Variants in C10orf71 observed in about 807,000 individuals in gnomAD.
The protein encoded by C10orf71 is cardiac-enriched FHL2-interacting protein.
For synonymous variants in C10orf71, 758 were observed against 726.3 expected, an observed-to-expected ratio of 1.04 and a Z score of -0.70; for missense variants, 1,869 against 1,804.5, an observed-to-expected ratio of 1.04 and a Z score of -0.65.
At chr10:49,299,855 G>T (rs947137368) in intron 1 of C10orf71, among the ~76,000 whole-genome samples, 28 of 152,210 alleles carry the variant, frequency 1.8e-4, no homozygotes, top group African/African-American at 6.8e-4. Context: ...GCCAGGCAGG[G>T]TCACACCAGC....
In C10orf71 at chr10:49,323,866, T is replaced by C. The variant is rs373240081; in HGVS notation, c.1321T>C (p.Phe441Leu). The change falls in exon 3 of 3, where the codon TTT (phenylalanine) becomes CTT (leucine). Residue 441 changes from phenylalanine to leucine, a missense_variant. Physicochemically the swap from Phe to Leu is conservative, Grantham distance 22. Coordinates refer to ENST00000374144, the MANE Select transcript of C10orf71 (RefSeq NM_001135196.2). ...ACCCAATGAACATTATGATCCCCCC[T>C]TTAACATCAGTAAGCTCCTGACCCC... Reference protein sequence around the residue: ...VEPNEHYDPPFNISKLLTPII... With the variant: ...VEPNEHYDPPLNISKLLTPII... 370 of 1,613,024 alleles carry C rather than the reference T, an allele frequency of 2.3e-4. 2 individuals are homozygous for C. Among genetic ancestry groups the C allele is most frequent in the Middle Eastern group, 9.9e-4 (6 of 6,084 alleles).
At chr10:49,312,552 T>G (rs1414797500) in intron 1 of C10orf71, among the ~76,000 whole-genome samples, 1 of 152,252 alleles carries the variant, frequency 6.6e-6, no homozygotes, top group Non-Finnish European at 1.5e-5. Context: ...AAAAGTTTGC[T>G]GGACGCTGGC....
In C10orf71 at chr10:49,324,663, G is replaced by A. The variant is rs199529194; in HGVS notation, c.2118G>A (p.Glu706=). The A allele has an allele frequency of 6.0e-5, 96 of 1,612,998 alleles. No homozygotes were observed. In the African/African-American group the frequency reaches 1.1e-3, roughly 19 times the overall value. Residue 706 remains glutamate (E), a synonymous_variant, in exon 3 of 3, where the codon GAG becomes GAA. Coordinates refer to ENST00000374144, the MANE Select transcript of C10orf71 (RefSeq NM_001135196.2). The part of the protein sequence containing the change: ...KFFPGPLSPE[E]EDVFYSDSQS... ...TCCCAGGGCCCCTCTCTCCTGAGGA[G>A]GAAGATGTGTTTTACAGTGACAGCC...
At position 49,326,730 on chromosome 10, in the gene C10orf71, C is replaced by A; in HGVS notation, c.4185C>A (p.His1395Gln). The A allele has an allele frequency of 6.4e-7, 1 of 1,551,236 alleles. No individual in the cohort carries two copies. Among genetic ancestry groups the A allele is most frequent in the Non-Finnish European group, 8.7e-7 (1 of 1,146,956 alleles). Residue 1395 changes from histidine (H) to glutamine (Q), a missense_variant, in exon 3 of 3, where the codon CAC (histidine) becomes CAA (glutamine). Transcript: ENST00000374144. Reference sequence around the variant, plus strand: ...GGCCTCACGGTGACTGCACCCCGCACTCTGCAGGCCAGCGCCCTCATGGTC... The same window carrying A: ...GGCCTCACGGTGACTGCACCCCGCAATCTGCAGGCCAGCGCCCTCATGGTC... ...DPGPHGDCTP[H>Q]SAGQRPHGPP...
Position 49,325,257 on chromosome 10 carries a change from G to A in C10orf71, c.2712G>A (p.Gly904=), listed in dbSNP as rs115708984. The change falls in exon 3 of 3, where the codon GGG becomes GGA. Residue 904 remains glycine (G), a synonymous_variant. Transcript: ENST00000374144. The part of the protein sequence containing the change: ...LPRPEWGEDP[G]FCAPENQDIL... Reference sequence around the variant, plus strand: ...GGCCAGAATGGGGTGAGGATCCTGGGTTTTGTGCCCCCGAAAACCAGGACA... The same window carrying A: ...GGCCAGAATGGGGTGAGGATCCTGGATTTTGTGCCCCCGAAAACCAGGACA... 565 of 1,551,786 alleles carry A rather than the reference G, an allele frequency of 3.6e-4. 3 individuals are homozygous for A. The African/African-American group carries it at 6.8e-3, about 19-fold the overall frequency.
intron 1 of C10orf71, among the ~76,000 whole-genome samples, chr10:49,300,803 T>C (rs1848716234): frequency 6.6e-6 from 1 of 152,178 alleles, no homozygotes; most frequent in Admixed American, 6.6e-5. Flanking sequence ...TGCTCTTGGA[T>C]GACCAGAAGC....
rs140904581 is a variant in C10orf71, at chr10:49,314,303, C to T, written c.-247-1842C>T. Among the ~76,000 whole-genome samples the T allele has an allele frequency of 9.2e-5, 14 of 152,242 alleles. No individual in the cohort carries two copies. In the East Asian group the frequency reaches 2.7e-3, roughly 29 times the overall value. ...AACTGACCAGGTCATAATTAAATAT[C>T]GATGTTTATTTCTATGCATTCATGA... is the stretch of plus-strand genomic sequence containing the variant. On this transcript the variant is annotated intron_variant, in intron 1 of 2. Transcript: ENST00000374144.
intron 2 of C10orf71, among the ~76,000 whole-genome samples, chr10:49,319,232 T>C (rs1482830679): frequency 6.6e-6 from 1 of 152,068 alleles, no homozygotes; most frequent in Non-Finnish European, 1.5e-5. Flanking sequence ...ATGGGAGGTA[T>C]GTGTGCCAGG....
At chr10:49,298,555 C>T (rs955010358), upstream of C10orf71, 5 of 152,270 alleles carry the variant, frequency 3.3e-5, no homozygotes, top group Admixed American at 1.3e-4. Context: ...CATGAGCCCA[C>T]CTCAGGGTTG....
Position 49,324,526 on chromosome 10 carries a change from G to C in C10orf71, c.1981G>C (p.Glu661Gln), listed in dbSNP as rs1371461437. The C allele has an allele frequency of 6.2e-7, 1 of 1,613,148 alleles. No individual in the cohort carries two copies. Among genetic ancestry groups the C allele is most frequent in the Non-Finnish European group, 8.5e-7 (1 of 1,179,500 alleles). ...GGATCCTGAGCCTGGAGGGGCTACA[G>C]AGAAAATGAAGACCCACCAGCTAGA... ...NRDPEPGGATEKMKTHQLENG... is the reference protein window; with the variant it reads ...NRDPEPGGATQKMKTHQLENG... Residue 661 changes from glutamate (E) to glutamine (Q), a missense_variant, in exon 3 of 3, where the codon GAG becomes CAG. By Grantham distance (29) the Glu-to-Gln change is conservative. Coordinates refer to ENST00000374144, the MANE Select transcript of C10orf71 (RefSeq NM_001135196.2).
intron 1 of C10orf71, among the ~76,000 whole-genome samples, chr10:49,300,520 G>C (rs1359200943): frequency 1.3e-5 from 2 of 149,036 alleles, no homozygotes; most frequent in Non-Finnish European, 3.0e-5. Context: ...TTGTAAGCCA[G>C]ACCCTTCAGG....
chr10:49,320,263 A>G (rs1465518216), intron 2 of C10orf71, among the ~76,000 whole-genome samples: 1 of 152,196 alleles, frequency 6.6e-6, no homozygotes, highest in African/African-American at 2.4e-5. Context: ...GGGAGGGGCC[A>G]TAGCTATAGA....
At chr10:49,313,873 T>C (rs1476398694) in intron 1 of C10orf71, among the ~76,000 whole-genome samples, 3 of 152,116 alleles carry the variant, frequency 2.0e-5, no homozygotes, top group Admixed American at 1.3e-4. Context: ...GCCAGGCAAA[T>C]GGCCTGGCCT....
intron 2 of C10orf71, among the ~76,000 whole-genome samples, chr10:49,316,689 G>A (rs1472277432): frequency 2.0e-5 from 3 of 152,188 alleles, no homozygotes; most frequent in Admixed American, 6.5e-5. Flanking sequence ...GGCCAGGCAT[G>A]TCCCAGAGCG....
At position 49,326,007 on chromosome 10, in the gene C10orf71, T is replaced by G. The variant is rs1194985423; in HGVS notation, c.3462T>G (p.Ser1154=). The change falls in exon 3 of 3, where the codon TCT becomes TCG. Residue 1154 remains serine (S), a synonymous_variant. Transcript: ENST00000374144. ...TGGCCACCAGCCCAGCAGGCACCTC[T>G]GGGAGACTTGAGCTTCCTGCACAGC... The part of the protein sequence containing the change: ...LDVATSPAGT[S]GRLELPAQLE... The G allele has an allele frequency of 2.6e-6, 4 of 1,551,552 alleles. No individual in the cohort carries two copies. The highest frequency in any genetic ancestry group is 2.4e-5 in the East Asian group (1 of 40,918).
At chr10:49,311,794 C>T (rs1177162937) in intron 1 of C10orf71, among the ~76,000 whole-genome samples, 1 of 152,152 alleles carries the variant, frequency 6.6e-6, no homozygotes, top group African/African-American at 2.4e-5. Context: ...CCCTCCCTGG[C>T]ACAGGGCACC....
chr10:49,314,277 G>A (rs1848963667), intron 1 of C10orf71, among the ~76,000 whole-genome samples: 1 of 152,138 alleles, frequency 6.6e-6, no homozygotes, highest in South Asian at 2.1e-4. Flanking sequence ...ACTTAAATAG[G>A]AACTGACCAG....
chr10:49,322,163 A>G (rs748403121), intron 2 of C10orf71, among the ~76,000 whole-genome samples: 35 of 152,204 alleles, frequency 2.3e-4, no homozygotes, highest in Non-Finnish European at 4.4e-4. Context: ...AATGAGGGCC[A>G]CCTGCCTTAT....
intron 1 of C10orf71, among the ~76,000 whole-genome samples, chr10:49,307,650 A>C (rs1385912648): frequency 3.3e-5 from 5 of 152,034 alleles, no homozygotes; most frequent in African/African-American, 4.8e-5. Flanking sequence ...ACCTCGTCCC[A>C]ACTCTGCCTG....
Sources: allele counts gnomAD v4.1 joint callset (sites outside exome capture counted in the v4.1 genomes callset), GRCh38; gene constraint gnomAD v4.1.1; transcripts MANE v1.5; gene names NCBI Gene and HGNC (gene_info 2026-07-23, HGNC 2026-07-21).